The following GRIN2B variants were observed in gnomAD, a reference collection of about 807,000 sequenced individuals.
GRIN2B encodes the protein glutamate ionotropic receptor NMDA type subunit 2B, also known as glutamate receptor ionotropic, NMDA 2B.
A neutral mutation model predicts 114.5 loss-of-function variants in GRIN2B; 5 were observed. That is an observed-to-expected ratio of 0.04 (90% CI 0.02 to 0.09). The LOEUF is 0.09. GRIN2B is among the 10% of genes least tolerant of loss of function. The pLI is 1.00. For missense variants in GRIN2B, 1,108 were observed against 1,943.5 expected (o/e 0.57, Z 8.08); for synonymous variants, 787 against 745.1 (o/e 1.06, Z -0.92).
At chr12:13,960,566 C>G (rs927710531) in intron 2 of GRIN2B, among the ~76,000 whole-genome samples, 1 of 152,142 alleles carries the variant, frequency 6.6e-6, no homozygotes, top group African/African-American at 2.4e-5. Flanking sequence ...CCCAAAGCAT[C>G]AGGCCTAAGG....
At chr12:13,723,087 G>T (rs1862908220) in intron 4 of GRIN2B, among the ~76,000 whole-genome samples, 1 of 152,034 alleles carries the variant, frequency 6.6e-6, no homozygotes, top group Non-Finnish European at 1.5e-5. Flanking sequence ...ATGCAACCCG[G>T]AGATACAGCA....
chr12:13,671,771 C>T (rs186154584), intron 5 of GRIN2B, among the ~76,000 whole-genome samples: 1 of 152,234 alleles, frequency 6.6e-6, no homozygotes, highest in Non-Finnish European at 1.5e-5. Flanking sequence ...ATTTATTTAG[C>T]AATTATCTTT....
At position 13,720,241 on chromosome 12, in the gene GRIN2B, C is replaced by T. The variant is rs566381847; in HGVS notation, c.1010+33076G>A. Among the ~76,000 whole-genome samples, 3 of 152,114 alleles carry T rather than the reference C, an allele frequency of 2.0e-5. No individual in the cohort carries two copies. The East Asian group carries it at 5.8e-4, about 30-fold the overall frequency. ...ATCTGTCACAGGGTGTCTGGCTCCTCAGTTCTGGCATATTCAACCAAGCAG... is the reference window on the plus strand; with the variant it reads ...ATCTGTCACAGGGTGTCTGGCTCCTTAGTTCTGGCATATTCAACCAAGCAG... On this transcript the variant is annotated intron_variant, in intron 4 of 13. Transcript: ENST00000609686.
At position 13,844,458 on chromosome 12, in the gene GRIN2B, A is replaced by G. The variant is rs898057971; in HGVS notation, c.411+21340T>C. On this transcript the variant is annotated intron_variant, in intron 3 of 13. Transcript: ENST00000609686. The stretch of plus-strand genomic sequence containing the variant: ...CTCTCTAGTCCCATCAAAGCTATTC[A>G]TTTAACAGAAAACCATCAGCCAAGG... Among the ~76,000 whole-genome samples, 28 of 152,264 alleles carry G rather than the reference A, an allele frequency of 1.8e-4. 1 individual carries two copies. The highest frequency in any genetic ancestry group is 1.6e-3 in the Admixed American group (24 of 15,282).
chr12:13,973,225 A>G (rs1862961132), intron 2 of GRIN2B, among the ~76,000 whole-genome samples: 2 of 152,128 alleles, frequency 1.3e-5, no homozygotes, highest in African/African-American at 4.8e-5. Flanking sequence ...TGATTTCCTA[A>G]GAAATTCTAT....
At chr12:13,691,232 C>G (rs1051319980) in intron 4 of GRIN2B, among the ~76,000 whole-genome samples, 1 of 152,124 alleles carries the variant, frequency 6.6e-6, no homozygotes, top group Non-Finnish European at 1.5e-5. Flanking sequence ...CTCTTAATAA[C>G]CCAGGATGTC....
chr12:13,547,981 A>ATATATTTTTTT lies in GRIN2B; in HGVS notation c.*14801_*14802insAAAAAAATATA. 4.4e-5 allele frequency: 3 copies of ATATATTTTTTT among 68,594 alleles called. No individual in the cohort carries two copies. Among genetic ancestry groups the ATATATTTTTTT allele is most frequent in the African/African-American group, 1.4e-4 (3 of 21,782 alleles). The allele number at this position is 68,594 out of a possible 1,614,324, so 4.2% of individuals were successfully genotyped here. ...TGTGTATATATATATATATATATATATTTTTTTTTTTTTTCTGAAAGCTAC... is the reference window on the plus strand; with the variant it reads ...TGTGTATATATATATATATATATATATATATTTTTTTTTTTTTTTTTTTTTCTGAAAGCTAC... On this transcript the variant is annotated 3_prime_UTR_variant, in exon 14 of 14. Transcript: ENST00000609686.
chr12:13,711,472 C>G (rs1017544901), intron 4 of GRIN2B, among the ~76,000 whole-genome samples: 1 of 152,058 alleles, frequency 6.6e-6, no homozygotes, highest in Non-Finnish European at 1.5e-5. Flanking sequence ...TTTTTGCAAT[C>G]TACTCATCTG....
intron 3 of GRIN2B, among the ~76,000 whole-genome samples, chr12:13,863,117 G>C (rs1390512463): frequency 1.3e-5 from 2 of 152,178 alleles, no homozygotes; most frequent in Non-Finnish European, 2.9e-5. Context: ...GAAGGAGCAA[G>C]GGGAAAGTGA....
chr12:13,904,649 T>C (rs1353668935), intron 2 of GRIN2B, among the ~76,000 whole-genome samples: 2 of 152,112 alleles, frequency 1.3e-5, no homozygotes, highest in South Asian at 2.1e-4. Context: ...TTTGCTGGTG[T>C]TCAAAATTCT....
At chr12:13,821,378 C>T (rs1269275995) in intron 3 of GRIN2B, among the ~76,000 whole-genome samples, 2 of 152,168 alleles carry the variant, frequency 1.3e-5, no homozygotes, top group Admixed American at 1.3e-4. Flanking sequence ...TAATTCTTGG[C>T]CCCAAATCTG....
rs1265292464 is a variant in GRIN2B, at chr12:13,544,250, T to C, written c.*18533A>G. On this transcript the variant is annotated 3_prime_UTR_variant, in exon 14 of 14. Coordinates refer to ENST00000609686, the MANE Select transcript of GRIN2B (RefSeq NM_000834.5). ...ACTGAAACAGCTCTCTTCCAGGTCA[T>C]CAATGGGATGACCTCCATGTTTCCA... The C allele has an allele frequency of 6.6e-6, 1 of 152,196 alleles. No individual in the cohort carries two copies. The highest frequency in any genetic ancestry group is 1.5e-5 in the Non-Finnish European group (1 of 68,052). The allele number at this position is 152,196 out of a possible 1,614,324, so 9.4% of individuals were successfully genotyped here. A position where few individuals can be genotyped will look rare whatever the true frequency, so the allele number is the denominator to read the frequency against.
Position 13,545,878 on chromosome 12 carries a change from T to C in GRIN2B, c.*16905A>G, listed in dbSNP as rs1273994069. 6.6e-6 allele frequency: 1 copy of C among 152,326 alleles called. No individual in the cohort carries two copies. The highest frequency in any genetic ancestry group is 2.4e-5 in the African/African-American group (1 of 41,574). The allele number at this position is 152,326 out of a possible 1,614,324, so 9.4% of individuals were successfully genotyped here. ...TATGATCTACTACCCGCCAGTAATA[T>C]TTTATAGCTTAGAAGATCATGTCTG... On this transcript the variant is annotated 3_prime_UTR_variant, in exon 14 of 14. Transcript: ENST00000609686.
intron 1 of GRIN2B, among the ~76,000 whole-genome samples, chr12:13,981,127 A>T (rs1863130131): frequency 6.6e-6 from 1 of 151,066 alleles, no homozygotes; most frequent in South Asian, 2.1e-4. Context: ...AAGACCAGAG[A>T]CAGCCCTACC....
At chr12:13,629,315 T>C (rs1949598622) in intron 5 of GRIN2B, among the ~76,000 whole-genome samples, 1 of 152,202 alleles carries the variant, frequency 6.6e-6, no homozygotes, top group Non-Finnish European at 1.5e-5. Context: ...TCCAAGGTCA[T>C]TGCATCTCTC....
chr12:13,657,014 A>G (rs777237938), intron 5 of GRIN2B, among the ~76,000 whole-genome samples: 1 of 152,178 alleles, frequency 6.6e-6, no homozygotes. Context: ...AAACGGATCA[A>G]TCGCACCAAG....
chr12:13,790,595 T>G (rs1187282918), intron 3 of GRIN2B, among the ~76,000 whole-genome samples: 15 of 152,198 alleles, frequency 9.9e-5, no homozygotes, highest in Non-Finnish European at 2.2e-4. Flanking sequence ...CCATAACTTT[T>G]GGGGTAATTG....
intron 3 of GRIN2B, among the ~76,000 whole-genome samples, chr12:13,821,508 A>G (rs1864936644): frequency 6.6e-6 from 1 of 152,216 alleles, no homozygotes; most frequent in African/African-American, 2.4e-5. Flanking sequence ...GGTTTAGTTA[A>G]TGGCCAGGTG....
chr12:13,872,222 C>G (rs1865922601), intron 2 of GRIN2B, among the ~76,000 whole-genome samples: 1 of 151,792 alleles, frequency 6.6e-6, no homozygotes, highest in Admixed American at 6.6e-5. Context: ...AATTAGTGGC[C>G]AGGCACGGTG....
Sources: allele counts gnomAD v4.1 joint callset (sites outside exome capture counted in the v4.1 genomes callset), GRCh38; gene constraint gnomAD v4.1.1; transcripts MANE v1.5; gene names NCBI Gene and HGNC (gene_info 2026-07-23, HGNC 2026-07-21).